Variants in ACOX1 observed in about 807,000 individuals in gnomAD.
ACOX1 encodes peroxisomal acyl-coenzyme A oxidase 1.
ACOX1 carries 41 observed loss-of-function variants against 75.5 expected under a neutral mutation model. The ratio of observed to expected loss-of-function variants is 0.54; its 90% CI spans 0.42 to 0.70. The LOEUF (loss-of-function observed/expected upper bound fraction) is 0.70. Ranked by LOEUF, ACOX1 falls within the 30% of genes least tolerant of loss-of-function variation. ACOX1 has a pLI of 0.00. For synonymous variants in ACOX1, 303 were observed against 298.8 expected (o/e 1.01, Z -0.15); for missense variants, 630 against 837.5 (o/e 0.75, Z 3.06).
At position 75,950,674 on chromosome 17, in the gene ACOX1, A is replaced by G; in HGVS notation, c.1298+100T>C. On this transcript the variant is annotated intron_variant, in intron 9 of 13. Transcript: ENST00000293217. This position sits in a 1 kb window ranked among gnomAD's most constrained non-coding sequence, Gnocchi z 4.3. The stretch of plus-strand genomic sequence containing the variant: ...AAAAGTATACCTTTCAGGAACAAAT[A>G]TATATATACGGTGAAGAAAAACCAT... The G allele has an allele frequency of 7.6e-7, 1 of 1,315,766 alleles. No homozygotes were observed. Among genetic ancestry groups the G allele is most frequent in the South Asian group, 1.2e-5 (1 of 82,458 alleles). The allele number at this position is 1,315,766 out of a possible 1,614,324, so 81.5% of individuals were successfully genotyped here.
chr17:75,955,700 C>T lies in ACOX1; in HGVS notation c.659-19G>A. On this transcript the variant is annotated intron_variant, in intron 5 of 13. Coordinates refer to ENST00000293217, the MANE Select transcript of ACOX1 (RefSeq NM_004035.7). ...GTAATTCCTACCACAGATGAAAGGA[C>T]AGTCACGAGATGTTTATGCTCTGGA... 1.2e-6 allele frequency: 2 copies of T among 1,611,950 alleles called. No homozygotes were observed. Among genetic ancestry groups the T allele is most frequent in the Non-Finnish European group, 1.7e-6 (2 of 1,178,050 alleles).
At position 75,972,000 on chromosome 17, in the gene ACOX1, C is replaced by T. The variant is rs191033579; in HGVS notation, c.269+6534G>A. On this transcript the variant is annotated intron_variant, in intron 2 of 13. Transcript: ENST00000293217. ...CACACACACACCACGCATGCATGTACACAAACACACAGATACTCCAAGCGA... is the reference window on the plus strand; with the variant it reads ...CACACACACACCACGCATGCATGTATACAAACACACAGATACTCCAAGCGA... Among the ~76,000 whole-genome samples the T allele has an allele frequency of 8.3e-4, 126 of 152,190 alleles. 1 individual carries two copies. In the East Asian group the frequency reaches 0.015, roughly 18 times the overall value.
At chr17:75,967,697 C>CGT (rs1555618966) in intron 2 of ACOX1, among the ~76,000 whole-genome samples, 1 of 110,548 alleles carries the variant, frequency 9.0e-6, no homozygotes, top group African/African-American at 4.2e-5. Context: ...TATATACATA[C>CGT]ATATATATAC....
chr17:75,943,751 C>T lies in ACOX1; in HGVS notation c.*2997G>A, dbSNP rs2144219929. ...TGTGTCATCAACTCTGCTTTGAGGT[C>T]ACTAATTTTTAAATACAGAGCATAA... On this transcript the variant is annotated 3_prime_UTR_variant, in exon 14 of 14. Coordinates refer to ENST00000293217, the MANE Select transcript of ACOX1 (RefSeq NM_004035.7). 6.6e-6 allele frequency: 1 copy of T among 152,250 alleles called. No individual in the cohort carries two copies. The highest frequency in any genetic ancestry group is 1.9e-4 in the East Asian group (1 of 5,178). The allele number at this position is 152,250 out of a possible 1,614,324, so 9.4% of individuals were successfully genotyped here.
chr17:75,971,741 C>CA (rs11324447), intron 2 of ACOX1, among the ~76,000 whole-genome samples: 33,658 of 115,716 alleles, frequency 0.29, 4,636 homozygotes, highest in African/African-American at 0.41. Context: ...GACTCTGACT[C>CA]AAAAAAAAAA....
At chr17:75,973,590 G>A (rs778994580) in intron 2 of ACOX1, 6 of 1,612,272 alleles carry the variant, frequency 3.7e-6, no homozygotes, top group Admixed American at 1.7e-5. Context: ...GATGTCCTGA[G>A]GTGGGTTACC....
chr17:75,949,598 A>G lies in ACOX1; in HGVS notation c.1481T>C (p.Leu494Ser), dbSNP rs976060091. The G allele has an allele frequency of 3.1e-6, 5 of 1,613,968 alleles. No homozygotes were observed. The African/African-American group carries it at 6.7e-5, about 22-fold the overall frequency. Residue 494 changes from leucine (L) to serine (S), a missense_variant and splice_region_variant, in exon 11 of 14, where the codon TTA (leucine) becomes TCA (serine). By Grantham distance (145) the Leu-to-Ser change is moderately radical. Coordinates refer to ENST00000293217, the MANE Select transcript of ACOX1 (RefSeq NM_004035.7). Reference protein sequence around the residue: ...TEAYKLRAARLVEIAAKNLQK... With the variant: ...TEAYKLRAARSVEIAAKNLQK... ...AAGGTTTTTTGCAGCAATTTCTACTAATCTGTTAAGACATAGATTGGAGGT... is the reference window on the plus strand; with the variant it reads ...AAGGTTTTTTGCAGCAATTTCTACTGATCTGTTAAGACATAGATTGGAGGT...
chr17:75,967,335 G>A (rs957974883), intron 2 of ACOX1, among the ~76,000 whole-genome samples: 4 of 151,646 alleles, frequency 2.6e-5, no homozygotes, highest in Admixed American at 6.6e-5. Context: ...TGGGTGTGGT[G>A]GTGGGCACCT....
rs1460613383 is a variant in ACOX1, at chr17:75,947,777, G to A, written c.1935+474C>T. Among the ~76,000 whole-genome samples, 4 of 150,266 alleles carry A rather than the reference G, an allele frequency of 2.7e-5. No individual in the cohort carries two copies. The Admixed American group carries it at 2.7e-4, about 10-fold the overall frequency. ...CAGGCTGGAGTGCAATGGCACGAAC[G>A]TGGCTCACTGCAACCTCCGCCTCCT... On this transcript the variant is annotated intron_variant, in intron 13 of 13. Coordinates refer to ENST00000293217, the MANE Select transcript of ACOX1 (RefSeq NM_004035.7).
At chr17:75,973,420 A>G (rs2066015149) in intron 2 of ACOX1, 1 of 615,572 alleles carries the variant, frequency 1.6e-6, no homozygotes, top group Admixed American at 2.8e-5. Context: ...GCTTTAGGAA[A>G]TAACAGTGAA....
rs775115439 is a variant in ACOX1, at chr17:75,949,518, C to T, written c.1561G>A (p.Val521Ile). 1.4e-5 allele frequency: 22 copies of T among 1,614,214 alleles called. No individual in the cohort carries two copies. In the South Asian group the frequency reaches 2.0e-4, roughly 14 times the overall value. ...SKEVAWNLTS[V>I]DLVRASEAHC... ...ACCTCACTTGCTCGAACAAGGTCAA[C>T]AGAAGTTAGGTTCCAAGCTACCTCC... Residue 521 changes from valine to isoleucine, a missense_variant, in exon 11 of 14, where the codon GTT becomes ATT. Transcript: ENST00000293217.
In ACOX1 at chr17:75,963,005, C is replaced by T. The variant is rs188990978; in HGVS notation, c.270-2630G>A. On this transcript the variant is annotated intron_variant, in intron 2 of 13. Transcript: ENST00000293217. ...AACTAGCTGGGCGTGGTGGTGGGTA[C>T]CTGTAATCCCAGCTACTTGGGAGGC... 2.6e-5 allele frequency among the ~76,000 whole-genome samples: 4 copies of T among 152,258 alleles called. No individual in the cohort carries two copies. The East Asian group carries it at 5.8e-4, about 22-fold the overall frequency.
chr17:75,973,410 G>C (rs1240687886), intron 2 of ACOX1: 3 of 599,106 alleles, frequency 5.0e-6, no homozygotes, highest in Non-Finnish European at 8.9e-6. Context: ...ATAATAAAAG[G>C]CTTTAGGAAA....
rs1246316916 is a variant in ACOX1, at chr17:75,979,146, G to A, written c.-73C>T. ...GACAATCTAAATCCGCAGCTCCAGCGCCGGCCGGACCCTAGGAGGCAGCCT... is the reference window on the plus strand; with the variant it reads ...GACAATCTAAATCCGCAGCTCCAGCACCGGCCGGACCCTAGGAGGCAGCCT... On this transcript the variant is annotated 5_prime_UTR_variant, in exon 1 of 14. Coordinates refer to ENST00000293217, the MANE Select transcript of ACOX1 (RefSeq NM_004035.7). The A allele has an allele frequency of 1.3e-6, 2 of 1,576,262 alleles. No homozygotes were observed. Among genetic ancestry groups the A allele is most frequent in the East Asian group, 2.3e-5 (1 of 43,384 alleles).
chr17:75,974,128 T>G (rs1324125276), intron 2 of ACOX1, among the ~76,000 whole-genome samples: 4 of 151,886 alleles, frequency 2.6e-5, no homozygotes, highest in Non-Finnish European at 5.9e-5. Context: ...ATTGGTTGAA[T>G]TTTTTAGAAT....
At position 75,978,977 on chromosome 17, in the gene ACOX1, G is replaced by A. The variant is rs990717174; in HGVS notation, c.97C>T (p.Arg33Cys). Residue 33 changes from arginine (R) to cysteine (C), a missense_variant, in exon 1 of 14, where the codon CGC becomes TGC. Physicochemically the swap from Arg to Cys is radical, Grantham distance 180 (BLOSUM62 -3). Coordinates refer to ENST00000293217, the MANE Select transcript of ACOX1 (RefSeq NM_004035.7). This position sits in a 1 kb window ranked among gnomAD's most constrained non-coding sequence, Gnocchi z 4.2. ...LDGSPEKTRRRREIENMILND... is the reference protein window; with the variant it reads ...LDGSPEKTRRCREIENMILND... ...CCGCCGCCCTCACCGATCTCTCGGC[G>A]GCGCCGGGTTTTCTCGGGGCTGCCG... 1 of 1,610,516 alleles carries A rather than the reference G, an allele frequency of 6.2e-7. No individual in the cohort carries two copies.
chr17:75,948,319 G>C lies in ACOX1; in HGVS notation c.1867C>G (p.Arg623Gly), dbSNP rs772115436. The C allele has an allele frequency of 6.2e-7, 1 of 1,614,058 alleles. No individual in the cohort carries two copies. The highest frequency in any genetic ancestry group is 2.2e-5 in the East Asian group (1 of 44,872). Residue 623 changes from arginine to glycine, a missense_variant, in exon 13 of 14, where the codon CGC becomes GGC. Arg to Gly is a moderately radical substitution (Grantham distance 125, BLOSUM62 -2). Transcript: ENST00000293217. ...TTTTCATACACATTCCCATCATAGCGGCCAAGCACAGAGCCAAGTGTCACA... is the reference window on the plus strand; with the variant it reads ...TTTTCATACACATTCCCATCATAGCCGCCAAGCACAGAGCCAAGTGTCACA... ...QDVTLGSVLG[R>G]YDGNVYENLF...
rs1239019178 is a variant in ACOX1, at chr17:75,969,292, T to C, written c.270-8917A>G. ...AAAGCTTCTCCTGCCTCAGCCTCCC[T>C]AGTAGCTGGGATTACAGGCACGCAC... On this transcript the variant is annotated intron_variant, in intron 2 of 13. Transcript: ENST00000293217. Among the ~76,000 whole-genome samples, 4 of 151,942 alleles carry C rather than the reference T, an allele frequency of 2.6e-5. No homozygotes were observed. In the South Asian group the frequency reaches 6.2e-4, roughly 24 times the overall value.
chr17:75,959,676 C>T (rs1156809064), intron 3 of ACOX1, among the ~76,000 whole-genome samples: 1 of 152,190 alleles, frequency 6.6e-6, no homozygotes, highest in Non-Finnish European at 1.5e-5. Flanking sequence ...TTCGGCTTAT[C>T]TTGGTTTTTT....
Sources: allele counts gnomAD v4.1 joint callset (sites outside exome capture counted in the v4.1 genomes callset), GRCh38; gene constraint gnomAD v4.1.1; non-coding constraint Gnocchi (gnomAD v3.1); transcripts MANE v1.5; gene names NCBI Gene and HGNC (gene_info 2026-07-23, HGNC 2026-07-21).